Variants in PCDHGA8 observed in about 807,000 individuals in gnomAD.
PCDHGA8 encodes protocadherin gamma subfamily A, 8, also known as protocadherin gamma-A8.
PCDHGA8 carries 45 observed loss-of-function variants against 59.2 expected under a neutral mutation model. The observed-to-expected ratio is 0.76, with a 90% confidence interval of 0.60 to 0.98. The LOEUF is 0.98. Among genes scored for constraint, PCDHGA8 ranks in the 50% least tolerant of loss-of-function variants. PCDHGA8 has a pLI of 0.00. For synonymous variants in PCDHGA8, 531 were observed against 519.0 expected (o/e 1.02, Z -0.32); for missense variants, 1,257 against 1,196.2 (o/e 1.05, Z -0.75).
At chr5:141,474,090 AAACAACAACAAAAAC>A (rs1459798801) in intron 1 of PCDHGA8, among the ~76,000 whole-genome samples, 1 of 152,206 alleles carries the variant, frequency 6.6e-6, no homozygotes, top group African/African-American at 2.4e-5. Flanking sequence ...ACCAAAAAAC[AAACAACAACAAAAAC>A]AACAACAACG....
Position 141,393,481 on chromosome 5 carries a change from C to G in PCDHGA8, c.668C>G (p.Ser223Cys), listed in dbSNP as rs368525192. The G allele has an allele frequency of 6.8e-6, 11 of 1,613,948 alleles. No individual in the cohort carries two copies. Among genetic ancestry groups the G allele is most frequent in the African/African-American group, 5.3e-5 (4 of 74,956 alleles). ...TASDGGKPPR[S>C]STVRIHVTVL... is the part of the protein sequence containing the mutation. The stretch of plus-strand genomic sequence containing the variant: ...TCGGATGGCGGCAAGCCGCCTCGCT[C>G]TAGCACAGTGCGCATCCACGTGACA... The change falls in exon 1 of 4, where the codon TCT becomes TGT. Residue 223 changes from serine (S) to cysteine (C), a missense_variant. By Grantham distance (112) the Ser-to-Cys change is moderately radical (BLOSUM62 -1). Coordinates refer to ENST00000398604, the MANE Select transcript of PCDHGA8 (RefSeq NM_032088.2).
intron 1 of PCDHGA8, among the ~76,000 whole-genome samples, chr5:141,443,008 T>C (rs2098358096): frequency 1.3e-5 from 2 of 152,220 alleles, no homozygotes; most frequent in Admixed American, 1.3e-4. Context: ...TCTAAGAATA[T>C]GACTAATGGA....
chr5:141,491,945 C>T lies in PCDHGA8; in HGVS notation c.2425-2862C>T. ...GAGGGGAGGTGGGACCGACCCCCAC[C>T]CCTACACTCAAAAAAGGCCGGGGCC... On this transcript the variant is annotated intron_variant, in intron 1 of 3. Coordinates refer to ENST00000398604, the MANE Select transcript of PCDHGA8 (RefSeq NM_032088.2). The surrounding 1 kb of genome is among the most constrained non-coding windows in gnomAD (Gnocchi z 6.9). 1.8e-6 allele frequency: 2 copies of T among 1,116,616 alleles called. No individual in the cohort carries two copies. 69.2% of individuals were successfully genotyped at this position (1,116,616 alleles called of 1,614,324 possible). A position where few individuals can be genotyped will look rare whatever the true frequency, so the allele number is the denominator to read the frequency against.
rs368564960 is a variant in PCDHGA8 at position 141,408,437 on chromosome 5, G to T, written c.2424+13200G>T. Reference sequence around the variant, plus strand: ...GGAGAAGCTGCACTTCAGCGTAGACGCGGAGAGCGGGGACTTACTTGTGAA... The same window carrying T: ...GGAGAAGCTGCACTTCAGCGTAGACTCGGAGAGCGGGGACTTACTTGTGAA... On this transcript the variant is annotated intron_variant, in intron 1 of 3. Transcript: ENST00000398604. The T allele has an allele frequency of 1.3e-5, 21 of 1,613,950 alleles. No homozygotes were observed. Among genetic ancestry groups the T allele is most frequent in the Non-Finnish European group, 1.6e-5 (19 of 1,179,918 alleles).
intron 1 of PCDHGA8, chr5:141,405,384 CA>C: frequency 1.9e-6 from 3 of 1,600,664 alleles, no homozygotes; most frequent in Non-Finnish European, 2.6e-6. Context: ...CCGGTGAGTT[CA>C]TTTTTTTTCT....
chr5:141,450,581 G>A (rs2098686464), intron 1 of PCDHGA8, among the ~76,000 whole-genome samples: 1 of 151,878 alleles, frequency 6.6e-6, no homozygotes, highest in Non-Finnish European at 1.5e-5. Context: ...CTGCCTCCCA[G>A]GTTCAAGCAA....
Position 141,491,648 on chromosome 5 carries a change from T to A in PCDHGA8, c.2425-3159T>A. 6.2e-7 allele frequency: 1 copy of A among 1,613,834 alleles called. No individual in the cohort carries two copies. Among genetic ancestry groups the A allele is most frequent in the Non-Finnish European group, 8.5e-7 (1 of 1,180,002 alleles). ...GTTCAGCAGCCCACAGCTCTGGCGC[T>A]GGAGCCTGACGCCATCCGGTCCCGC... On this transcript the variant is annotated intron_variant, in intron 1 of 3. Transcript: ENST00000398604. This position sits in a 1 kb window ranked among gnomAD's most constrained non-coding sequence, Gnocchi z 6.9.
chr5:141,460,951 GTA>G (rs200454978), intron 1 of PCDHGA8, among the ~76,000 whole-genome samples: 208 of 139,744 alleles, frequency 1.5e-3, no homozygotes, highest in South Asian at 4.3e-3. Flanking sequence ...TATGTATTAT[GTA>G]TATATATATG....
Position 141,511,378 on chromosome 5 carries a change from T to C in PCDHGA8, c.*205T>C. 1 of 1,202,114 alleles carries C rather than the reference T, an allele frequency of 8.3e-7. No homozygotes were observed. The highest frequency in any genetic ancestry group is 1.1e-6 in the Non-Finnish European group (1 of 882,194). The allele number at this position is 1,202,114 out of a possible 1,614,324, so 74.5% of individuals were successfully genotyped here. A position where few individuals can be genotyped will look rare whatever the true frequency, so the allele number is the denominator to read the frequency against. On this transcript the variant is annotated 3_prime_UTR_variant, in exon 4 of 4. Coordinates refer to ENST00000398604, the MANE Select transcript of PCDHGA8 (RefSeq NM_032088.2). ...AGGGGGTTGAATATGCAAAAGCAGT[T>C]CCGCTGGGAACCCCCATCCAATCAA...
chr5:141,393,683 G>A lies in PCDHGA8; in HGVS notation c.870G>A (p.Pro290=), dbSNP rs370409157. Residue 290 remains proline (P), a synonymous_variant, in exon 1 of 4, where the codon CCG becomes CCA. Coordinates refer to ENST00000398604, the MANE Select transcript of PCDHGA8 (RefSeq NM_032088.2). ...GGAAAATTAATGAAAAACAAACTCC[G>A]TTATTCCAGCTTAATGAAAATACTG... ...KFRKINEKQT[P]LFQLNENTGE... is the part of the protein sequence containing the mutation. The A allele has an allele frequency of 9.9e-6, 16 of 1,613,730 alleles. No homozygotes were observed. Among genetic ancestry groups the A allele is most frequent in the South Asian group, 8.8e-5 (8 of 91,086 alleles).
Position 141,491,094 on chromosome 5 carries a change from G to T in PCDHGA8, c.2425-3713G>T. ...TGCCACAGTCCACAGCCCCAGGACT[G>T]TTCCTCGTGTCTACACACACTGGTG... On this transcript the variant is annotated intron_variant, in intron 1 of 3. Transcript: ENST00000398604. This position sits in a 1 kb window ranked among gnomAD's most constrained non-coding sequence, Gnocchi z 6.9. The T allele has an allele frequency of 6.2e-7, 1 of 1,614,202 alleles. No homozygotes were observed. The highest frequency in any genetic ancestry group is 1.1e-5 in the South Asian group (1 of 91,086).
rs762433242 is a variant in PCDHGA8, at chr5:141,476,856, C to A, written c.2425-17951C>A. 2.5e-6 allele frequency: 4 copies of A among 1,613,762 alleles called. No individual in the cohort carries two copies. In the East Asian group the frequency reaches 6.7e-5, roughly 27 times the overall value. ...GACAATGCGCCTGTCTTCAACCAGTCCTTGTACCGGGCGCGCGTCCTGGAG... is the reference window on the plus strand; with the variant it reads ...GACAATGCGCCTGTCTTCAACCAGTACTTGTACCGGGCGCGCGTCCTGGAG... On this transcript the variant is annotated intron_variant, in intron 1 of 3. Coordinates refer to ENST00000398604, the MANE Select transcript of PCDHGA8 (RefSeq NM_032088.2). This position sits in a 1 kb window ranked among gnomAD's most constrained non-coding sequence, Gnocchi z 7.6.
intron 1 of PCDHGA8, among the ~76,000 whole-genome samples, chr5:141,445,567 T>C (rs1465765772): frequency 6.6e-6 from 1 of 152,142 alleles, no homozygotes; most frequent in Admixed American, 6.5e-5. Context: ...AGAGAAAGCT[T>C]ATAGTAGGGA....
intron 1 of PCDHGA8, chr5:141,399,913 C>T: frequency 2.5e-6 from 4 of 1,612,372 alleles, no homozygotes; most frequent in Non-Finnish European, 3.4e-6. Context: ...AGACTCAGGA[C>T]ACAACGCCTG....
In PCDHGA8 at chr5:141,394,912, T is replaced by C. The variant is rs1205097386; in HGVS notation, c.2099T>C (p.Ile700Thr). Reference protein sequence around the residue: ...TLYLVVAVAAISCVFLAFVAV... With the variant: ...TLYLVVAVAATSCVFLAFVAV... ...TATCTCGTGGTGGCAGTGGCTGCCA[T>C]CTCCTGTGTCTTCCTCGCCTTTGTC... Residue 700 changes from isoleucine to threonine, a missense_variant, in exon 1 of 4, where the codon ATC becomes ACC. Physicochemically the swap from Ile to Thr is moderately conservative, Grantham distance 89. Transcript: ENST00000398604. The C allele has an allele frequency of 6.8e-6, 11 of 1,613,694 alleles. No homozygotes were observed. Among genetic ancestry groups the C allele is most frequent in the Non-Finnish European group, 9.3e-6 (11 of 1,179,872 alleles).
At chr5:141,450,642 A>C (rs2098688710) in intron 1 of PCDHGA8, among the ~76,000 whole-genome samples, 1 of 151,504 alleles carries the variant, frequency 6.6e-6, no homozygotes, top group Non-Finnish European at 1.5e-5. Context: ...GCCTGCCACC[A>C]TGCCTGGCTA....
intron 1 of PCDHGA8, chr5:141,492,055 G>C (rs1335131646): frequency 4.1e-6 from 2 of 493,506 alleles, no homozygotes; most frequent in Non-Finnish European, 7.1e-6. Flanking sequence ...CACCCCTGCA[G>C]CCAGCCTCCT....
At chr5:141,414,242 T>TA in intron 1 of PCDHGA8, 2 of 1,613,538 alleles carry the variant, frequency 1.2e-6, no homozygotes, top group Non-Finnish European at 1.7e-6. Context: ...ATCACGTCTC[T>TA]ATTTAGTCCA....
At position 141,494,788 on chromosome 5, in the gene PCDHGA8, C is replaced by T. The variant is rs2099756942; in HGVS notation, c.2425-19C>T. The T allele has an allele frequency of 6.2e-7, 1 of 1,614,116 alleles. No homozygotes were observed. The highest frequency in any genetic ancestry group is 8.5e-7 in the Non-Finnish European group (1 of 1,180,000). On this transcript the variant is annotated intron_variant, in intron 1 of 3. Transcript: ENST00000398604. ...CTTCTCACGGGTACTCAGCCCCTTTCCCTCTGTTTTCTCCACAGCAAGCCC... is the reference window on the plus strand; with the variant it reads ...CTTCTCACGGGTACTCAGCCCCTTTTCCTCTGTTTTCTCCACAGCAAGCCC...
Sources: gnomAD v4.1 joint callset for allele counts (sites outside exome capture counted in the v4.1 genomes callset) on GRCh38, gnomAD v4.1.1 for gene constraint, Gnocchi (gnomAD v3.1) non-coding constraint, MANE v1.5 for transcripts, NCBI Gene and HGNC (gene_info 2026-07-23, HGNC 2026-07-21) for gene names.